RIMS2: variants seen among roughly 807,000 people sequenced by gnomAD.
RIMS2 encodes the protein regulating synaptic membrane exocytosis protein 2.
In RIMS2, 59 loss-of-function variants were observed where a neutral mutation model predicts 174.4. That is an observed-to-expected ratio of 0.34 (90% CI 0.27 to 0.42). RIMS2 has a LOEUF of 0.42. RIMS2 is among the 10% of genes least tolerant of loss of function. The probability of loss-of-function intolerance (pLI) is 1.00; values close to 1 mark genes in which losing one functional copy is unlikely to be tolerated. For synonymous variants in RIMS2, 606 were observed against 572.5 expected (o/e 1.06, Z -0.84); for missense variants, 1,620 against 1,666.3 (o/e 0.97, Z 0.48).
intron 1 of RIMS2, among the ~76,000 whole-genome samples, chr8:103,530,036 T>C (rs1465738232): frequency 6.6e-6 from 1 of 152,114 alleles, no homozygotes; most frequent in Non-Finnish European, 1.5e-5. Flanking sequence ...AAAGGATAAA[T>C]GTGTGGATAG....
intron 1 of RIMS2, among the ~76,000 whole-genome samples, chr8:103,501,872 A>G (rs1820247317): frequency 6.6e-6 from 1 of 152,132 alleles, no homozygotes; most frequent in Non-Finnish European, 1.5e-5. Flanking sequence ...TGAAAGCAGC[A>G]CCCAGGCATG....
chr8:103,947,122 G>A (rs1406231142), intron 14 of RIMS2, among the ~76,000 whole-genome samples: 16 of 152,150 alleles, frequency 1.1e-4, no homozygotes, highest in Non-Finnish European at 1.5e-5. Context: ...AATAGACCCA[G>A]CTGTAAGAGT....
chr8:103,600,382 GC>G (rs2094676618), intron 1 of RIMS2, among the ~76,000 whole-genome samples: 1 of 152,116 alleles, frequency 6.6e-6, no homozygotes, highest in African/African-American at 2.4e-5. Context: ...CAATTATCAT[GC>G]CTCAGCATCC....
At chr8:103,953,633 G>A (rs1486777230) in intron 14 of RIMS2, among the ~76,000 whole-genome samples, 3 of 152,122 alleles carry the variant, frequency 2.0e-5, no homozygotes, top group African/African-American at 7.2e-5. Flanking sequence ...ACCGATACCA[G>A]CCACTGCAAA....
At chr8:103,610,114 T>G (rs1199877226) in intron 1 of RIMS2, among the ~76,000 whole-genome samples, 1 of 152,110 alleles carries the variant, frequency 6.6e-6, no homozygotes, top group Non-Finnish European at 1.5e-5. Context: ...AACTGCATTC[T>G]TAATTTGGCT....
chr8:103,615,414 C>G (rs1052630571), intron 1 of RIMS2, among the ~76,000 whole-genome samples: 3 of 152,080 alleles, frequency 2.0e-5, no homozygotes, highest in Non-Finnish European at 4.4e-5. Flanking sequence ...TAAATGCCGA[C>G]ATCAAAAAGT....
chr8:104,247,512 G>C (rs748994886), intron 20 of RIMS2, among the ~76,000 whole-genome samples: 1 of 152,178 alleles, frequency 6.6e-6, no homozygotes, highest in Non-Finnish European at 1.5e-5. Flanking sequence ...GCCAAATACA[G>C]ACATATTGAA....
chr8:103,543,400 T>A (rs112662920), intron 1 of RIMS2, among the ~76,000 whole-genome samples: 3 of 152,166 alleles, frequency 2.0e-5, no homozygotes, highest in Non-Finnish European at 4.4e-5. Flanking sequence ...GTTAATGAAT[T>A]AGAAGAATTA....
chr8:104,210,067 A>G (rs1024511181), intron 19 of RIMS2, among the ~76,000 whole-genome samples: 2 of 152,212 alleles, frequency 1.3e-5, no homozygotes, highest in East Asian at 1.9e-4. Context: ...ATGTAGAACT[A>G]TAAGTACAAT....
chr8:104,189,723 A>C (rs565532312), intron 19 of RIMS2, among the ~76,000 whole-genome samples: 1 of 151,646 alleles, frequency 6.6e-6, no homozygotes, highest in South Asian at 2.1e-4. Flanking sequence ...AATGCAGAAT[A>C]ATGGCTACAA....
chr8:103,896,542 TG>T (rs2154522927), intron 4 of RIMS2, among the ~76,000 whole-genome samples: 1 of 151,888 alleles, frequency 6.6e-6, no homozygotes, highest in Non-Finnish European at 1.5e-5. Context: ...TTGATTTTTG[TG>T]AAGAGAAATA....
At chr8:103,913,985 C>A (rs1044050022) in intron 6 of RIMS2, among the ~76,000 whole-genome samples, 1 of 152,154 alleles carries the variant, frequency 6.6e-6, no homozygotes, top group African/African-American at 2.4e-5. Flanking sequence ...CATGTGCTTG[C>A]ACTCAACCTG....
At chr8:103,720,562 A>C (rs2097432572) in intron 2 of RIMS2, among the ~76,000 whole-genome samples, 1 of 152,200 alleles carries the variant, frequency 6.6e-6, no homozygotes, top group Non-Finnish European at 1.5e-5. Context: ...TAGCAAACTC[A>C]TAAAAAAATC....
intron 1 of RIMS2, among the ~76,000 whole-genome samples, chr8:103,606,902 C>T (rs1400721065): frequency 5.3e-5 from 8 of 151,558 alleles, no homozygotes; most frequent in East Asian, 1.9e-4. Context: ...TGTCTCTGCA[C>T]GTGAGATGGG....
intron 1 of RIMS2, among the ~76,000 whole-genome samples, chr8:103,512,401 A>G (rs1826959806): frequency 6.6e-6 from 1 of 152,060 alleles, no homozygotes; most frequent in Non-Finnish European, 1.5e-5. Flanking sequence ...ACAAAGGTTT[A>G]TTTCTTTTTG....
In RIMS2 at chr8:103,580,093, G is replaced by A. The variant is rs115239182; in HGVS notation, c.176+79031G>A. Among the ~76,000 whole-genome samples, 936 of 152,070 alleles carry A rather than the reference G, an allele frequency of 6.2e-3. 8 individuals carry two copies. Among genetic ancestry groups the A allele is most frequent in the African/African-American group, 0.021 (858 of 41,486 alleles). ...TTGGGTGGGGACACAGAGCAAAACCGTATCAACCACTAAAGGACACAGTAA... is the reference window on the plus strand; with the variant it reads ...TTGGGTGGGGACACAGAGCAAAACCATATCAACCACTAAAGGACACAGTAA... On this transcript the variant is annotated intron_variant, in intron 1 of 23. Transcript: ENST00000504942.
At chr8:103,963,400 C>T (rs72683104) in intron 15 of RIMS2, among the ~76,000 whole-genome samples, 19,302 of 152,132 alleles carry the variant, frequency 0.13, 1,691 homozygotes, top group Non-Finnish European at 0.19. Context: ...GTATCAATTA[C>T]AATCATTCAT....
At chr8:104,055,347 A>G (rs1800283875) in intron 19 of RIMS2, among the ~76,000 whole-genome samples, 1 of 152,164 alleles carries the variant, frequency 6.6e-6, no homozygotes, top group Non-Finnish European at 1.5e-5. Flanking sequence ...AAAGTTGAGG[A>G]TAAGATGTAT....
chr8:104,091,457 GC>G (rs1418874552), intron 19 of RIMS2, among the ~76,000 whole-genome samples: 1 of 151,158 alleles, frequency 6.6e-6, no homozygotes, highest in Admixed American at 6.6e-5. Context: ...CAATTTTATA[GC>G]TTTGAAAAAT....
Sources: allele counts gnomAD v4.1 joint callset (sites outside exome capture counted in the v4.1 genomes callset), GRCh38; gene constraint gnomAD v4.1.1; transcripts MANE v1.5; gene names NCBI Gene and HGNC (gene_info 2026-07-23, HGNC 2026-07-21).